The following GRK3 variants were observed in gnomAD, a reference collection of about 807,000 sequenced individuals.
The protein encoded by GRK3 is adrenergic, beta, receptor kinase 2.
Under a neutral mutation model 95.7 loss-of-function variants are expected in GRK3, and 54 were observed. The observed-to-expected ratio is 0.56, with a 90% CI of 0.45 to 0.71. The LOEUF is 0.71. GRK3 is among the 30% of genes least tolerant of loss of function. The probability of loss-of-function intolerance (pLI) is 0.00; values close to 1 mark genes in which losing one functional copy is unlikely to be tolerated. For synonymous variants in GRK3, 281 were observed against 290.8 expected (o/e 0.97, Z 0.34); for missense variants, 649 against 851.2 (o/e 0.76, Z 2.96).
At chr22:25,591,900 G>A (rs1341394724) in intron 1 of GRK3, among the ~76,000 whole-genome samples, 1 of 152,068 alleles carries the variant, frequency 6.6e-6, no homozygotes, top group East Asian at 1.9e-4. Context: ...CTATTGTGTT[G>A]CTTCCAGCTT....
At chr22:25,686,280 T>C (rs1601526164) in intron 10 of GRK3, among the ~76,000 whole-genome samples, 1 of 150,032 alleles carries the variant, frequency 6.7e-6, no homozygotes, top group African/African-American at 2.4e-5. Flanking sequence ...CACAGCGTAA[T>C]AATGAGCAAA....
At chr22:25,631,883 C>T (rs920038125) in intron 2 of GRK3, among the ~76,000 whole-genome samples, 2 of 152,148 alleles carry the variant, frequency 1.3e-5, no homozygotes, top group East Asian at 1.9e-4. Context: ...GTGTTTGAGA[C>T]GCACTTTGCA....
In GRK3 at chr22:25,708,352, C is replaced by T. The variant is rs905357247; in HGVS notation, c.1329-1546C>T. 3.3e-5 allele frequency among the ~76,000 whole-genome samples: 5 copies of T among 152,276 alleles called. No homozygotes were observed. In the East Asian group the frequency reaches 9.7e-4, roughly 29 times the overall value. ...CCTGAGGGAAGACAGGCATCCAGGA[C>T]CATCCTGGCTGGGCCTGTGCAGGAG... is the stretch of plus-strand genomic sequence containing the variant. On this transcript the variant is annotated intron_variant, in intron 15 of 20. Coordinates refer to ENST00000324198, the MANE Select transcript of GRK3 (RefSeq NM_005160.4).
intron 2 of GRK3, among the ~76,000 whole-genome samples, chr22:25,619,777 A>G (rs2084567800): frequency 6.7e-6 from 1 of 149,754 alleles, no homozygotes; most frequent in Non-Finnish European, 1.5e-5. Context: ...TGAGCCACTG[A>G]GCCAGACCAA....
rs952598957 is a variant in GRK3, at chr22:25,729,121, G to A, written c.*6671G>A. ...TCTCAGTATACACTCACTAGTGCACGTCTGAAATAGTATCCCACGGGAGAT... is the reference window on the plus strand; with the variant it reads ...TCTCAGTATACACTCACTAGTGCACATCTGAAATAGTATCCCACGGGAGAT... On this transcript the variant is annotated 3_prime_UTR_variant, in exon 21 of 21. Coordinates refer to ENST00000324198, the MANE Select transcript of GRK3 (RefSeq NM_005160.4). 2.6e-5 allele frequency: 4 copies of A among 152,280 alleles called. No homozygotes were observed. The highest frequency in any genetic ancestry group is 3.4e-3 in the Middle Eastern group (1 of 294). 9.4% of individuals were successfully genotyped at this position (152,280 alleles called of 1,614,324 possible).
chr22:25,626,789 A>T (rs757597978), intron 2 of GRK3, among the ~76,000 whole-genome samples: 2 of 152,222 alleles, frequency 1.3e-5, no homozygotes, highest in Non-Finnish European at 2.9e-5. Context: ...AGGTTTGAAG[A>T]TCGGTGCACA....
chr22:25,576,934 TAG>T (rs2046292146), intron 1 of GRK3, among the ~76,000 whole-genome samples: 1 of 152,202 alleles, frequency 6.6e-6, no homozygotes, highest in Admixed American at 6.5e-5. Context: ...AATAATTTCC[TAG>T]AAGAAAAGAT....
At chr22:25,669,389 C>T (rs754930927) in intron 6 of GRK3, among the ~76,000 whole-genome samples, 6 of 152,148 alleles carry the variant, frequency 3.9e-5, no homozygotes, top group East Asian at 1.9e-4. Context: ...GAGAGCTATG[C>T]GCCTCATTCA....
chr22:25,721,512 A>T (rs2085432178), intron 20 of GRK3, 115 bp downstream of exon 20: 2 of 642,476 alleles, frequency 3.1e-6, no homozygotes, highest in Non-Finnish European at 5.4e-6. Flanking sequence ...CAAACTTAGT[A>T]AGAAAGCCCC....
At chr22:25,632,344 G>C (rs183380501) in intron 2 of GRK3, among the ~76,000 whole-genome samples, 76 of 152,156 alleles carry the variant, frequency 5.0e-4, no homozygotes, top group Non-Finnish European at 8.2e-4. Context: ...ATCTTCTTTG[G>C]TGAAAGTGTG....
chr22:25,618,113 G>A (rs939354268), intron 2 of GRK3, among the ~76,000 whole-genome samples: 2 of 152,142 alleles, frequency 1.3e-5, no homozygotes, highest in Non-Finnish European at 2.9e-5. Flanking sequence ...TATTTTACGT[G>A]CATTTAACAC....
At chr22:25,593,597 C>A (rs1393389174) in intron 1 of GRK3, among the ~76,000 whole-genome samples, 1 of 151,984 alleles carries the variant, frequency 6.6e-6, no homozygotes, top group Non-Finnish European at 1.5e-5. Flanking sequence ...GGATATTAGA[C>A]CTTTGTCAGA....
In GRK3 at chr22:25,663,585, T is replaced by C. The variant is rs148978724; in HGVS notation, c.367-45T>C. 388 of 1,286,158 alleles carry C rather than the reference T, an allele frequency of 3.0e-4. 3 individuals are homozygous for C. In the African/African-American group the frequency reaches 5.3e-3, roughly 17 times the overall value. The allele number at this position is 1,286,158 out of a possible 1,614,324, so 79.7% of individuals were successfully genotyped here. On this transcript the variant is annotated intron_variant, in intron 4 of 20. Transcript: ENST00000324198. ...GTGATATTATATAACATACACAGAT[T>C]GGTTACATTTTATTATTTAAAAATA...
At chr22:25,627,825 G>A (rs1332964971) in intron 2 of GRK3, among the ~76,000 whole-genome samples, 1 of 152,184 alleles carries the variant, frequency 6.6e-6, no homozygotes, top group Non-Finnish European at 1.5e-5. Context: ...TTTAAGAGGA[G>A]GATGCTAGAG....
intron 2 of GRK3, among the ~76,000 whole-genome samples, chr22:25,604,731 T>C (rs1484254562): frequency 6.6e-6 from 1 of 152,282 alleles, no homozygotes; most frequent in African/African-American, 2.4e-5. Flanking sequence ...TTCTTTTCTT[T>C]GCGTCTTGCC....
chr22:25,640,359 T>TTATATG (rs1331909668), intron 2 of GRK3, among the ~76,000 whole-genome samples: 1 of 152,224 alleles, frequency 6.6e-6, no homozygotes, highest in Non-Finnish European at 1.5e-5. Flanking sequence ...TTGTCATAAA[T>TTATATG]TATATGTATT....
chr22:25,709,982 A>C lies in GRK3; in HGVS notation c.1395+18A>C. The C allele has an allele frequency of 6.3e-7, 1 of 1,587,998 alleles. No homozygotes were observed. Among genetic ancestry groups the C allele is most frequent in the Non-Finnish European group, 8.6e-7 (1 of 1,156,450 alleles). ...TACAAAAGGTACTCACTCCCTCTTG[A>C]CTCTACTTACGGTACTGCCGCCCCG... is the stretch of plus-strand genomic sequence containing the variant. On this transcript the variant is annotated intron_variant, in intron 16 of 20. Coordinates refer to ENST00000324198, the MANE Select transcript of GRK3 (RefSeq NM_005160.4).
At chr22:25,567,349 CT>C (rs1288591293) in intron 1 of GRK3, among the ~76,000 whole-genome samples, 3 of 152,172 alleles carry the variant, frequency 2.0e-5, no homozygotes, top group Non-Finnish European at 2.9e-5. Context: ...ACTCCTTGTG[CT>C]GTGTTAGGAT....
At chr22:25,618,028 C>T (rs909936750) in intron 2 of GRK3, among the ~76,000 whole-genome samples, 3 of 152,242 alleles carry the variant, frequency 2.0e-5, no homozygotes, top group African/African-American at 4.8e-5. Context: ...CTGCCTTGGC[C>T]TCCCAAAGTG....
Sources: gnomAD v4.1 joint callset for allele counts (sites outside exome capture counted in the v4.1 genomes callset) on GRCh38, gnomAD v4.1.1 for gene constraint, MANE v1.5 for transcripts, NCBI Gene and HGNC (gene_info 2026-07-23, HGNC 2026-07-21) for gene names.